The following APBB2 variants were observed in gnomAD, a reference collection of about 807,000 sequenced individuals.
APBB2 encodes Fe65-like 1.
APBB2 carries 38 observed loss-of-function variants against 82.5 expected under a neutral mutation model. The ratio of observed to expected loss-of-function variants is 0.46; its 90% confidence interval spans 0.36 to 0.60. The LOEUF (loss-of-function observed/expected upper bound fraction) is 0.60. APBB2 is among the 20% of genes least tolerant of loss of function. The probability of loss-of-function intolerance (pLI) is 0.00; values close to 1 mark genes in which losing one functional copy is unlikely to be tolerated. For missense variants in APBB2, 772 were observed against 972.3 expected, an observed-to-expected ratio of 0.79 and a Z score of 2.74; for synonymous variants, 341 against 368.2, an observed-to-expected ratio of 0.93 and a Z score of 0.85.
chr4:40,948,414 T>C (rs1046930280), intron 6 of APBB2, among the ~76,000 whole-genome samples: 12 of 151,902 alleles, frequency 7.9e-5, no homozygotes, highest in African/African-American at 2.2e-4. Flanking sequence ...CTACCAAAAA[T>C]AGAAAAAATT....
In APBB2 at chr4:41,119,084, A is replaced by C. The variant is rs375641011; in HGVS notation, c.-260-18334T>G. 3.3e-5 allele frequency among the ~76,000 whole-genome samples: 5 copies of C among 152,176 alleles called. No homozygotes were observed. In the South Asian group the frequency reaches 6.2e-4, roughly 19 times the overall value. ...AGCCCTGGAGGTTGAGGCTGCGGCA[A>C]ACCGAGATCATGCCACTGCACTCCA... On this transcript the variant is annotated intron_variant, in intron 2 of 17. Coordinates refer to ENST00000508593, the MANE Select transcript of APBB2 (RefSeq NM_004307.2).
intron 1 of APBB2, among the ~76,000 whole-genome samples, chr4:41,144,249 C>T (rs1377303712): frequency 6.6e-6 from 1 of 152,186 alleles, no homozygotes; most frequent in Non-Finnish European, 1.5e-5. Flanking sequence ...CATAACATTA[C>T]ATTAATCTCT....
chr4:41,119,953 CG>C (rs1375360307), intron 2 of APBB2, among the ~76,000 whole-genome samples: 5 of 152,156 alleles, frequency 3.3e-5, no homozygotes, highest in African/African-American at 1.2e-4. Context: ...TAACAGCATT[CG>C]GGTATTTTAT....
chr4:41,200,956 G>A (rs767518523), intron 1 of APBB2, among the ~76,000 whole-genome samples: 1 of 152,112 alleles, frequency 6.6e-6, no homozygotes, highest in Non-Finnish European at 1.5e-5. Flanking sequence ...TTCATCTAGT[G>A]CAACTCTAGC....
At chr4:41,153,259 T>C (rs1762716550) in intron 1 of APBB2, among the ~76,000 whole-genome samples, 2 of 152,202 alleles carry the variant, frequency 1.3e-5, no homozygotes, top group South Asian at 2.1e-4. Context: ...GTCTTAGTTC[T>C]TGTGGTCTCA....
At chr4:40,905,125 C>A (rs899386365) in intron 10 of APBB2, among the ~76,000 whole-genome samples, 1 of 152,140 alleles carries the variant, frequency 6.6e-6, no homozygotes, top group African/African-American at 2.4e-5. Context: ...ATGGCTAACC[C>A]CCATGTAGCG....
chr4:40,952,560 A>G (rs1790494656), intron 6 of APBB2, among the ~76,000 whole-genome samples: 1 of 152,226 alleles, frequency 6.6e-6, no homozygotes, highest in Non-Finnish European at 1.5e-5. Flanking sequence ...TCTCTCAAAC[A>G]TAAACCAACC....
chr4:41,109,902 C>T (rs1382568165), intron 2 of APBB2, among the ~76,000 whole-genome samples: 1 of 152,210 alleles, frequency 6.6e-6, no homozygotes, highest in African/African-American at 2.4e-5. Flanking sequence ...AGACCCTTGT[C>T]TTCTGGTTCT....
intron 6 of APBB2, among the ~76,000 whole-genome samples, chr4:40,969,276 A>C (rs1453692598): frequency 6.6e-6 from 1 of 152,198 alleles, no homozygotes; most frequent in African/African-American, 2.4e-5. Flanking sequence ...TACACCCTGA[A>C]GTTAAGGACC....
chr4:40,880,024 A>G (rs755841441), intron 12 of APBB2: 1 of 985,408 alleles, frequency 1.0e-6, no homozygotes, highest in Non-Finnish European at 1.2e-6. Flanking sequence ...AAATATTACT[A>G]TGTTAATAAA....
chr4:41,144,839 C>A (rs1760246806), intron 1 of APBB2, among the ~76,000 whole-genome samples: 1 of 152,220 alleles, frequency 6.6e-6, no homozygotes, highest in Non-Finnish European at 1.5e-5. Context: ...AAAGAACGGG[C>A]TGGGCATGGT....
intron 1 of APBB2, among the ~76,000 whole-genome samples, chr4:41,154,428 C>G (rs1762987808): frequency 1.3e-5 from 2 of 152,196 alleles, no homozygotes; most frequent in Non-Finnish European, 2.9e-5. Context: ...GTTTCCATAA[C>G]CAGGAATTTT....
At chr4:41,182,214 A>C (rs1296400233) in intron 1 of APBB2, among the ~76,000 whole-genome samples, 1 of 152,162 alleles carries the variant, frequency 6.6e-6, no homozygotes, top group Admixed American at 6.5e-5. Context: ...CCTCCCATTA[A>C]GCTCACTCCA....
chr4:41,065,966 C>A (rs1731642029), intron 3 of APBB2, among the ~76,000 whole-genome samples: 1 of 152,030 alleles, frequency 6.6e-6, no homozygotes, highest in African/African-American at 2.4e-5. Flanking sequence ...AAAGTCCAGG[C>A]AATCTCACCT....
At chr4:41,098,013 C>G (rs1253894414) in intron 3 of APBB2, among the ~76,000 whole-genome samples, 1 of 150,630 alleles carries the variant, frequency 6.6e-6, no homozygotes, top group Admixed American at 6.6e-5. Flanking sequence ...CACCTCCCCC[C>G]TCCCCTCCCG....
intron 2 of APBB2, among the ~76,000 whole-genome samples, chr4:41,105,101 G>A (rs1180188131): frequency 2.6e-5 from 4 of 152,204 alleles, no homozygotes; most frequent in African/African-American, 9.7e-5. Flanking sequence ...GTCAGTGGTT[G>A]TATGTGTAGG....
chr4:40,914,642 G>C (rs531595368), intron 10 of APBB2, among the ~76,000 whole-genome samples: 4 of 152,204 alleles, frequency 2.6e-5, no homozygotes, highest in Non-Finnish European at 5.9e-5. Flanking sequence ...TACTGATCAG[G>C]TGATGAAAAT....
At chr4:40,999,950 T>C (rs904178562) in intron 6 of APBB2, among the ~76,000 whole-genome samples, 1 of 151,890 alleles carries the variant, frequency 6.6e-6, no homozygotes, top group Non-Finnish European at 1.5e-5. Context: ...TCCTAGCACT[T>C]TGAGAGGCCG....
At chr4:41,073,131 C>T (rs1320896364) in intron 3 of APBB2, among the ~76,000 whole-genome samples, 1 of 152,184 alleles carries the variant, frequency 6.6e-6, no homozygotes, top group Non-Finnish European at 1.5e-5. Flanking sequence ...ATCCAACTTT[C>T]ACCACCCCAG....
Sources: allele counts gnomAD v4.1 joint callset (sites outside exome capture counted in the v4.1 genomes callset), GRCh38; gene constraint gnomAD v4.1.1; transcripts MANE v1.5; gene names NCBI Gene and HGNC (gene_info 2026-07-23, HGNC 2026-07-21).